The following RFX7 variants were observed in gnomAD, a reference collection of about 807,000 sequenced individuals.
RFX7 encodes regulatory factor X7.
A neutral mutation model predicts 111.8 loss-of-function variants in RFX7; 26 were observed. That is an observed-to-expected ratio of 0.23 (90% CI 0.17 to 0.32). RFX7 has a LOEUF of 0.32. Among genes scored for constraint, RFX7 ranks in the 10% least tolerant of loss-of-function variants. The pLI is 1.00. For synonymous variants in RFX7, 624 were observed against 624.4 expected, an observed-to-expected ratio of 1.00 and a Z score of 0.01; for missense variants, 1,573 against 1,772.9, an observed-to-expected ratio of 0.89 and a Z score of 2.02.
chr15:56,094,471 T>G lies in RFX7; in HGVS notation c.3257A>C (p.Tyr1086Ser). The G allele has an allele frequency of 6.2e-7, 1 of 1,613,926 alleles. No homozygotes were observed. Among genetic ancestry groups the G allele is most frequent in the Non-Finnish European group, 8.5e-7 (1 of 1,179,860 alleles). Residue 1086 changes from tyrosine to serine, a missense_variant, in exon 10 of 10, where the codon TAT (tyrosine) becomes TCT (serine). Physicochemically the swap from Tyr to Ser is moderately radical, Grantham distance 144. Coordinates refer to ENST00000559447, the MANE Select transcript of RFX7 (RefSeq NM_022841.7). ...GAAACGGTCTTCCACTAGTTCCTGATAGCTTGGGAGAATACCATGGCCAGA... is the reference window on the plus strand; with the variant it reads ...GAAACGGTCTTCCACTAGTTCCTGAGAGCTTGGGAGAATACCATGGCCAGA... ...SVSGHGILPS[Y>S]QELVEDRFRK...
intron 2 of RFX7, among the ~76,000 whole-genome samples, chr15:56,228,471 T>C (rs1015190257): frequency 6.6e-6 from 1 of 152,072 alleles, no homozygotes; most frequent in South Asian, 2.1e-4. Context: ...GACTCAGATA[T>C]GACAGATTTT....
At chr15:56,143,354 TACAC>T (rs10596362) in intron 4 of RFX7, among the ~76,000 whole-genome samples, 29 of 149,660 alleles carry the variant, frequency 1.9e-4, no homozygotes, top group South Asian at 1.9e-3. Flanking sequence ...CATATATACA[TACAC>T]ACACACACAC....
At chr15:56,241,744 A>G (rs2043692050) in intron 2 of RFX7, among the ~76,000 whole-genome samples, 1 of 152,054 alleles carries the variant, frequency 6.6e-6, no homozygotes, top group South Asian at 2.1e-4. Context: ...ACACACCCCA[A>G]TCATATCTAT....
At chr15:56,113,875 A>G (rs1446495602) in intron 5 of RFX7, among the ~76,000 whole-genome samples, 2 of 152,240 alleles carry the variant, frequency 1.3e-5, no homozygotes. Flanking sequence ...GAATTTTGGG[A>G]GGTCCCAAAG....
intron 5 of RFX7, among the ~76,000 whole-genome samples, chr15:56,136,946 C>T (rs1315263779): frequency 6.7e-6 from 1 of 149,468 alleles, no homozygotes; most frequent in Non-Finnish European, 1.5e-5. Context: ...TTGAACCAGC[C>T]TTGCATCCCA....
chr15:56,243,278 T>A lies in RFX7; in HGVS notation c.8A>T (p.Glu3Val). 1 of 1,010,134 alleles carries A rather than the reference T, an allele frequency of 9.9e-7. No individual in the cohort carries two copies. Among genetic ancestry groups the A allele is most frequent in the Non-Finnish European group, 1.3e-6 (1 of 753,620 alleles). 62.6% of individuals were successfully genotyped at this position (1,010,134 alleles called of 1,614,324 possible). A position where few individuals can be genotyped will look rare whatever the true frequency, so the allele number is the denominator to read the frequency against. Residue 3 changes from glutamate to valine, a missense_variant, in exon 2 of 10, where the codon GAG becomes GTG. Physicochemically the swap from Glu to Val is moderately radical, Grantham distance 121. This residue lies in a region of RFX7 where 191 missense variants were observed against 194.2 expected (regional missense o/e 0.98). Coordinates refer to ENST00000559447, the MANE Select transcript of RFX7 (RefSeq NM_022841.7). MA[E>V]EQQQPPPQQP... ...CTGTGGTGGCGGCTGTTGTTGTTCC[T>A]CTGCCATCGCTGCAGAGGGGTGGGA...
intron 2 of RFX7, among the ~76,000 whole-genome samples, chr15:56,220,790 C>T (rs926033651): frequency 7.2e-5 from 11 of 152,120 alleles, no homozygotes; most frequent in Non-Finnish European, 1.0e-4. Context: ...AGGTCATCTT[C>T]CAGGGTTTTT....
chr15:56,215,982 C>T (rs902104900), intron 2 of RFX7, among the ~76,000 whole-genome samples: 19 of 152,226 alleles, frequency 1.2e-4, no homozygotes, highest in African/African-American at 4.3e-4. Context: ...TGGTGGCTGC[C>T]TTCTGCCAGA....
chr15:56,230,821 G>A (rs117899339), intron 2 of RFX7, among the ~76,000 whole-genome samples: 10,524 of 152,218 alleles, frequency 0.069, 468 homozygotes, highest in Admixed American at 0.11. Context: ...ATGGCTGGGC[G>A]CAGTGGCTCA....
At chr15:56,199,136 G>A in intron 2 of RFX7, among the ~76,000 whole-genome samples, 1 of 152,174 alleles carries the variant, frequency 6.6e-6, no homozygotes, top group East Asian at 1.9e-4. Context: ...GATTTAAACT[G>A]TGAAAAACTT....
Position 56,243,616 on chromosome 15 carries a change from A to G in RFX7, c.-174T>C, listed in dbSNP as rs1185614885. On this transcript the variant is annotated 5_prime_UTR_variant, in exon 1 of 10. Coordinates refer to ENST00000559447, the MANE Select transcript of RFX7 (RefSeq NM_022841.7). ...CAGCGGCCGGGGCTGTGGGGGGGTG[A>G]GATGGGGGCGTTTGAAGACGAAGTG... is the stretch of plus-strand genomic sequence containing the variant. 1 of 245,164 alleles carries G rather than the reference A, an allele frequency of 4.1e-6. No homozygotes were observed. The highest frequency in any genetic ancestry group is 6.0e-6 in the Non-Finnish European group (1 of 165,874). The allele number at this position is 245,164 out of a possible 1,614,324, so 15.2% of individuals were successfully genotyped here. A position where few individuals can be genotyped will look rare whatever the true frequency, so the allele number is the denominator to read the frequency against.
chr15:56,223,233 T>C (rs1228201871), intron 2 of RFX7, among the ~76,000 whole-genome samples: 1 of 152,176 alleles, frequency 6.6e-6, no homozygotes, highest in Non-Finnish European at 1.5e-5. Context: ...CAGTTAAAGA[T>C]TCAGAATGAT....
At chr15:56,190,601 T>TACAAAGA (rs2043090208) in intron 2 of RFX7, among the ~76,000 whole-genome samples, 2 of 152,140 alleles carry the variant, frequency 1.3e-5, no homozygotes, top group Non-Finnish European at 2.9e-5. Context: ...AATAAAGCAG[T>TACAAAGA]TCTTAAAAAA....
rs917278687 is a variant in RFX7 at position 56,095,976 on chromosome 15, A to G, written c.1752T>C (p.Asn584=). 1.9e-6 allele frequency: 3 copies of G among 1,611,066 alleles called. No homozygotes were observed. The African/African-American group carries it at 4.0e-5, about 22-fold the overall frequency. ...NTDGALQKPS[N]EGVIEIKATK... is the part of the protein sequence containing the mutation. The stretch of plus-strand genomic sequence containing the variant: ...TTGCTTTTATTTCAATGACACCTTC[A>G]TTTGAAGGTTTCTGCAGTGCTCCGT... Residue 584 remains asparagine, a synonymous_variant, in exon 10 of 10, where the codon AAT becomes AAC. Coordinates refer to ENST00000559447, the MANE Select transcript of RFX7 (RefSeq NM_022841.7).
At chr15:56,244,953 G>T (rs1410170748), upstream of RFX7, among the ~76,000 whole-genome samples, 1 of 152,146 alleles carries the variant, frequency 6.6e-6, no homozygotes, top group Non-Finnish European at 1.5e-5. Flanking sequence ...AACAGCCAAG[G>T]CCTCTGGCAC....
intron 2 of RFX7, among the ~76,000 whole-genome samples, chr15:56,194,482 T>C (rs1256325599): frequency 6.6e-6 from 1 of 152,190 alleles, no homozygotes; most frequent in Non-Finnish European, 1.5e-5. Flanking sequence ...AAAAACACAT[T>C]GACTTCAGAT....
At chr15:56,116,622 C>T (rs1461689462) in intron 5 of RFX7, among the ~76,000 whole-genome samples, 1 of 152,012 alleles carries the variant, frequency 6.6e-6, no homozygotes. Flanking sequence ...ATAGGTTCTC[C>T]GCAGAAGACG....
rs1337709894 is a variant in RFX7, at chr15:56,243,304, G to A, written c.-2-17C>T. ...CTGCCATCGCTGCAGAGGGGTGGGA[G>A]GGAGGGAGGGAAAGATGGGGGCGCG... On this transcript the variant is annotated splice_polypyrimidine_tract_variant and intron_variant, in intron 1 of 9. Coordinates refer to ENST00000559447, the MANE Select transcript of RFX7 (RefSeq NM_022841.7). 5 of 1,109,482 alleles carry A rather than the reference G, an allele frequency of 4.5e-6. No homozygotes were observed. The African/African-American group carries it at 6.8e-5, about 15-fold the overall frequency. The allele number at this position is 1,109,482 out of a possible 1,614,324, so 68.7% of individuals were successfully genotyped here.
chr15:56,112,115 A>AG (rs1401136376), intron 5 of RFX7, among the ~76,000 whole-genome samples: 2 of 144,870 alleles, frequency 1.4e-5, no homozygotes, highest in African/African-American at 5.0e-5. Flanking sequence ...ACTTTGCCCC[A>AG]GAAAAAAAAA....
Sources: allele counts gnomAD v4.1 joint callset (sites outside exome capture counted in the v4.1 genomes callset), GRCh38; gene constraint gnomAD v4.1.1; regional missense constraint gnomAD v4.1.1; transcripts MANE v1.5; gene names NCBI Gene and HGNC (gene_info 2026-07-23, HGNC 2026-07-21).